Variants in TAFA4 observed in about 807,000 individuals in gnomAD.
The protein encoded by TAFA4 is chemokine-like protein TAFA-4.
In TAFA4, 20 loss-of-function variants were observed where a neutral mutation model predicts 21.1. The ratio of observed to expected loss-of-function variants is 0.95; its 90% CI spans 0.67 to 1.38. TAFA4 has a LOEUF of 1.38. Ranked by LOEUF, TAFA4 falls within the 40% of genes most tolerant of loss-of-function variation. The pLI is 0.00. For missense variants in TAFA4, 211 were observed against 180.9 expected, an observed-to-expected ratio of 1.17 and a Z score of -0.95; for synonymous variants, 71 against 67.4, an observed-to-expected ratio of 1.05 and a Z score of -0.26.
At chr3:68,899,835 A>G (rs1416416620) in intron 1 of TAFA4, among the ~76,000 whole-genome samples, 1 of 152,152 alleles carries the variant, frequency 6.6e-6, no homozygotes, top group East Asian at 1.9e-4. Flanking sequence ...TTCATCCCCA[A>G]AAGAAGAAAT....
intron 1 of TAFA4, among the ~76,000 whole-genome samples, chr3:68,897,574 T>C (rs1046124467): frequency 1.3e-5 from 2 of 151,716 alleles, no homozygotes; most frequent in African/African-American, 4.8e-5. Context: ...TGCAGTGAGC[T>C]GAGATCATGC....
At chr3:68,867,614 A>G (rs972502136) in intron 3 of TAFA4, among the ~76,000 whole-genome samples, 7 of 152,256 alleles carry the variant, frequency 4.6e-5, no homozygotes, top group Admixed American at 3.9e-4. Flanking sequence ...CAAAAGTAAC[A>G]ATGACAACAG....
intron 3 of TAFA4, among the ~76,000 whole-genome samples, chr3:68,855,943 G>T (rs2171871): frequency 0.44 from 66,412 of 151,784 alleles, 14,898 homozygotes; most frequent in African/African-American, 0.47. Flanking sequence ...TGTCTTTCTT[G>T]CTGGAATGCA....
At chr3:68,913,149 T>C (rs1026516796) in intron 1 of TAFA4, among the ~76,000 whole-genome samples, 1 of 152,210 alleles carries the variant, frequency 6.6e-6, no homozygotes, top group Non-Finnish European at 1.5e-5. Flanking sequence ...AAATAAATAA[T>C]GAATGCAATG....
intron 3 of TAFA4, among the ~76,000 whole-genome samples, chr3:68,817,295 A>G (rs1704002929): frequency 6.6e-6 from 1 of 152,222 alleles, no homozygotes; most frequent in Admixed American, 6.5e-5. Flanking sequence ...TCATAAGATT[A>G]CAGAAATTCA....
At chr3:68,912,559 T>TGAGC (rs1450840825) in intron 1 of TAFA4, among the ~76,000 whole-genome samples, 18 of 152,344 alleles carry the variant, frequency 1.2e-4, no homozygotes, top group African/African-American at 3.6e-4. Context: ...GGGGACCAGA[T>TGAGC]GAGCGAGCGA....
chr3:68,898,610 C>T (rs2089814981), intron 1 of TAFA4, among the ~76,000 whole-genome samples: 1 of 152,162 alleles, frequency 6.6e-6, no homozygotes, highest in African/African-American at 2.4e-5. Context: ...CGTGCCACTG[C>T]ACTCAAACCT....
At chr3:68,911,878 G>A (rs1381986465) in intron 1 of TAFA4, among the ~76,000 whole-genome samples, 4 of 152,152 alleles carry the variant, frequency 2.6e-5, no homozygotes, top group African/African-American at 9.7e-5. Context: ...CCCACACGGA[G>A]GGCTCTAGTG....
chr3:68,853,239 CT>C (rs1207311773), intron 3 of TAFA4, among the ~76,000 whole-genome samples: 32 of 150,238 alleles, frequency 2.1e-4, no homozygotes, highest in East Asian at 8.1e-4. Flanking sequence ...GGAAAAAAAA[CT>C]TTTTTTTCTC....
chr3:68,878,306 A>G (rs2089577418), intron 3 of TAFA4, among the ~76,000 whole-genome samples: 1 of 152,234 alleles, frequency 6.6e-6, no homozygotes, highest in Non-Finnish European at 1.5e-5. Context: ...CTATGACTCC[A>G]TCTTTAAAGG....
intron 1 of TAFA4, among the ~76,000 whole-genome samples, chr3:68,893,906 A>G (rs1328370414): frequency 1.3e-5 from 2 of 152,230 alleles, no homozygotes; most frequent in Admixed American, 1.3e-4. Context: ...GTATGTTTTT[A>G]TTATAATAAT....
At chr3:68,773,519 C>T (rs1702996145) in intron 3 of TAFA4, among the ~76,000 whole-genome samples, 2 of 152,162 alleles carry the variant, frequency 1.3e-5, no homozygotes, top group African/African-American at 4.8e-5. Context: ...TCCAGCTCCC[C>T]TCCTCTACCC....
At chr3:68,824,537 G>A (rs1370480197) in intron 3 of TAFA4, among the ~76,000 whole-genome samples, 8 of 151,998 alleles carry the variant, frequency 5.3e-5, no homozygotes, top group Admixed American at 5.2e-4. Context: ...CATAATCTAG[G>A]ATCATTTCCC....
At chr3:68,777,657 A>G (rs1185669982) in intron 3 of TAFA4, among the ~76,000 whole-genome samples, 1 of 152,178 alleles carries the variant, frequency 6.6e-6, no homozygotes, top group Non-Finnish European at 1.5e-5. Context: ...AAAAGGCAGT[A>G]AAACAAATTA....
chr3:68,921,331 C>T (rs75391273), intron 1 of TAFA4, among the ~76,000 whole-genome samples: 1 of 152,036 alleles, frequency 6.6e-6, no homozygotes, highest in East Asian at 1.9e-4. Context: ...AGATTATCTC[C>T]AAAATATTTC....
chr3:68,811,047 T>C (rs943440123), intron 3 of TAFA4, among the ~76,000 whole-genome samples: 6 of 152,190 alleles, frequency 3.9e-5, no homozygotes, highest in African/African-American at 1.4e-4. Context: ...CCGCTGCTGA[T>C]ACCCAGGCAA....
chr3:68,849,422 T>C (rs548800527), intron 3 of TAFA4, among the ~76,000 whole-genome samples: 7 of 152,270 alleles, frequency 4.6e-5, no homozygotes, highest in Admixed American at 1.3e-4. Flanking sequence ...TGTTCTTGAA[T>C]CTTGAGCCAC....
chr3:68,852,029 G>A (rs112908235), intron 3 of TAFA4, among the ~76,000 whole-genome samples: 299 of 152,250 alleles, frequency 2.0e-3, no homozygotes, highest in African/African-American at 6.5e-3. Context: ...TAACAGCTCC[G>A]CAGTGATTCT....
chr3:68,740,136 A>G (rs1422040439), intron 4 of TAFA4, among the ~76,000 whole-genome samples: 1 of 152,172 alleles, frequency 6.6e-6, no homozygotes, highest in South Asian at 2.1e-4. Flanking sequence ...CAGTTTCTTC[A>G]TTTGAAAAGT....
Sources: allele counts gnomAD v4.1 joint callset (sites outside exome capture counted in the v4.1 genomes callset), GRCh38; gene constraint gnomAD v4.1.1; transcripts MANE v1.5; gene names NCBI Gene and HGNC (gene_info 2026-07-23, HGNC 2026-07-21).